The following C1orf198 variants were observed in gnomAD, a reference collection of about 807,000 sequenced individuals.
C1orf198 encodes the protein uncharacterized protein C1orf198.
In C1orf198, 17 loss-of-function variants were observed where a neutral mutation model predicts 31.4. The observed-to-expected ratio is 0.54, with a 90% CI of 0.37 to 0.81. The LOEUF (loss-of-function observed/expected upper bound fraction) is 0.81. Among genes scored for constraint, C1orf198 ranks in the 40% least tolerant of loss-of-function variants. The pLI, the probability that C1orf198 is intolerant of heterozygous loss-of-function variation, is 0.00. For missense variants in C1orf198, 401 were observed against 450.3 expected (o/e 0.89, Z 0.99); for synonymous variants, 175 against 193.8 (o/e 0.90, Z 0.81).
At chr1:230,858,988 T>C (rs1397921187) in intron 1 of C1orf198, among the ~76,000 whole-genome samples, 8 of 152,170 alleles carry the variant, frequency 5.3e-5, no homozygotes, top group Non-Finnish European at 1.5e-5. Flanking sequence ...AATAGTCTTC[T>C]GTTTGCTCCA....
Position 230,839,684 on chromosome 1 carries a change from A to T in C1orf198, c.*168T>A. On this transcript the variant is annotated 3_prime_UTR_variant, in exon 4 of 4. Coordinates refer to ENST00000366663, the MANE Select transcript of C1orf198 (RefSeq NM_032800.3). ...GAAAATAGCATATATATCTGGTTCT[A>T]CCAAAAAAGAAAAAAATCTGGCAAT... The T allele has an allele frequency of 1.7e-6, 1 of 598,110 alleles. No individual in the cohort carries two copies. Among genetic ancestry groups the T allele is most frequent in the East Asian group, 3.3e-5 (1 of 30,570 alleles). The allele number at this position is 598,110 out of a possible 1,614,324, so 37.1% of individuals were successfully genotyped here.
chr1:230,861,276 G>A (rs1669997608), intron 1 of C1orf198, among the ~76,000 whole-genome samples: 1 of 152,218 alleles, frequency 6.6e-6, no homozygotes, highest in Non-Finnish European at 1.5e-5. Context: ...GAAAGGCTGT[G>A]TGCATATGCA....
At chr1:230,861,278 G>A (rs1669997801) in intron 1 of C1orf198, among the ~76,000 whole-genome samples, 1 of 152,220 alleles carries the variant, frequency 6.6e-6, no homozygotes, top group Non-Finnish European at 1.5e-5. Flanking sequence ...AAGGCTGTGT[G>A]CATATGCACG....
At chr1:230,855,388 C>A (rs1042975952) in intron 2 of C1orf198, among the ~76,000 whole-genome samples, 25 of 152,354 alleles carry the variant, frequency 1.6e-4, no homozygotes, top group African/African-American at 5.8e-4. Context: ...CTTAACCAAG[C>A]TGGCCGGGAG....
rs1193916191 is a variant in C1orf198, at chr1:230,843,337, T to C, written c.927+17A>G. ...GGCACCATCCCATCTGAGGACGCGC[T>C]GGTAAAGGCCACTCACCTGTGCAAA... On this transcript the variant is annotated intron_variant, in intron 3 of 3. Coordinates refer to ENST00000366663, the MANE Select transcript of C1orf198 (RefSeq NM_032800.3). This position sits in a 1 kb window ranked among gnomAD's most constrained non-coding sequence, Gnocchi z 4.9. The C allele has an allele frequency of 3.2e-6, 5 of 1,551,558 alleles. No homozygotes were observed. The highest frequency in any genetic ancestry group is 4.4e-6 in the Non-Finnish European group (5 of 1,146,948).
At position 230,840,035 on chromosome 1, in the gene C1orf198, G is replaced by T. The variant is rs1208410690; in HGVS notation, c.928-127C>A. On this transcript the variant is annotated intron_variant, in intron 3 of 3. Transcript: ENST00000366663. This position sits in a 1 kb window ranked among gnomAD's most constrained non-coding sequence, Gnocchi z 4.0. ...CCTACTTCTGTCTCAGAGGTTCCCT[G>T]ACCTCAATTTATCTCAGTGCTTGAA... is the stretch of plus-strand genomic sequence containing the variant. 1.4e-6 allele frequency: 1 copy of T among 736,190 alleles called. No homozygotes were observed. The highest frequency in any genetic ancestry group is 2.2e-6 in the Non-Finnish European group (1 of 452,410). 45.6% of individuals were successfully genotyped at this position (736,190 alleles called of 1,614,324 possible).
At chr1:230,859,320 A>AT (rs1339033861) in intron 1 of C1orf198, among the ~76,000 whole-genome samples, 1 of 152,066 alleles carries the variant, frequency 6.6e-6, no homozygotes, top group Non-Finnish European at 1.5e-5. Context: ...GACCAATCAC[A>AT]TATGCTTTTT....
At chr1:230,846,463 G>A (rs1029459061) in intron 2 of C1orf198, among the ~76,000 whole-genome samples, 4 of 152,244 alleles carry the variant, frequency 2.6e-5, no homozygotes, top group Non-Finnish European at 4.4e-5. Flanking sequence ...GTCAGGGCAA[G>A]GATGGAAATA....
intron 1 of C1orf198, among the ~76,000 whole-genome samples, chr1:230,863,855 A>G (rs1298144726): frequency 6.6e-6 from 1 of 152,268 alleles, no homozygotes; most frequent in Non-Finnish European, 1.5e-5. Context: ...ACATCCATGG[A>G]TACAGCAGGC....
chr1:230,869,259 T>A (rs1376609524), upstream of C1orf198: 1 of 152,236 alleles, frequency 6.6e-6, no homozygotes, highest in African/African-American at 2.4e-5. Context: ...CCAGGTGCCT[T>A]TCCCCAACCC....
intron 3 of C1orf198, among the ~76,000 whole-genome samples, chr1:230,842,883 C>T (rs1170237238): frequency 6.6e-6 from 1 of 152,226 alleles, no homozygotes; most frequent in East Asian, 1.9e-4. Context: ...CCAGCGAGGC[C>T]CACAGAGGGG....
At chr1:230,864,285 C>CT (rs1272869474) in intron 1 of C1orf198, among the ~76,000 whole-genome samples, 1 of 152,206 alleles carries the variant, frequency 6.6e-6, no homozygotes, top group Non-Finnish European at 1.5e-5. Context: ...GCAGAAAGGT[C>CT]TTTTGCAGGT....
At chr1:230,860,693 T>C (rs1157227838) in intron 1 of C1orf198, among the ~76,000 whole-genome samples, 2 of 152,186 alleles carry the variant, frequency 1.3e-5, no homozygotes, top group Non-Finnish European at 2.9e-5. Context: ...ATAGAGGTTA[T>C]CAGAGACTGA....
rs1670033956 is a variant in C1orf198 at position 230,862,983 on chromosome 1, C to T, written c.333+5197G>A. 5.3e-5 allele frequency among the ~76,000 whole-genome samples: 8 copies of T among 152,294 alleles called. No individual in the cohort carries two copies. In the South Asian group the frequency reaches 1.7e-3, roughly 32 times the overall value. On this transcript the variant is annotated intron_variant, in intron 1 of 3. Transcript: ENST00000366663. Reference sequence around the variant, plus strand: ...CAATTTTGCTGTGAATCTAAAATTGCTCTAAAAAATTAAGTCTATTCAAAA... The same window carrying T: ...CAATTTTGCTGTGAATCTAAAATTGTTCTAAAAAATTAAGTCTATTCAAAA...
chr1:230,843,629 T>G lies in C1orf198; in HGVS notation c.652A>C (p.Met218Leu). The change falls in exon 3 of 4, where the codon ATG becomes CTG. Residue 218 changes from methionine (M) to leucine (L), a missense_variant. Physicochemically the swap from Met to Leu is conservative, Grantham distance 15. Transcript: ENST00000366663. The surrounding 1 kb of genome is among the most constrained non-coding windows in gnomAD (Gnocchi z 4.9). ...QSLTPSQIKS[M>L]EKGEKVLPPC... ...GGCAAGACCTTTTCCCCCTTCTCCA[T>G]GGACTTGATCTGGCTAGGGGTCAGC... 6.2e-7 allele frequency: 1 copy of G among 1,614,232 alleles called. No individual in the cohort carries two copies. The highest frequency in any genetic ancestry group is 8.5e-7 in the Non-Finnish European group (1 of 1,180,032).
chr1:230,862,275 C>A (rs1460227564), intron 1 of C1orf198, among the ~76,000 whole-genome samples: 4 of 152,204 alleles, frequency 2.6e-5, no homozygotes, highest in Admixed American at 6.5e-5. Flanking sequence ...GCCTCCCAAC[C>A]ACAGCTCCAT....
chr1:230,863,874 G>T (rs917191150), intron 1 of C1orf198, among the ~76,000 whole-genome samples: 1 of 152,162 alleles, frequency 6.6e-6, no homozygotes, highest in Non-Finnish European at 1.5e-5. Flanking sequence ...GCACAAGGTG[G>T]GAATCATAAT....
Position 230,849,737 on chromosome 1 carries a change from G to T in C1orf198, c.385-5841C>A, listed in dbSNP as rs77499324. ...TGGCAGCCTCGGACAGATCTAAATT[G>T]TTGAGACAAAGGCTACAGAAGCCTT... On this transcript the variant is annotated intron_variant, in intron 2 of 3. Transcript: ENST00000366663. Among the ~76,000 whole-genome samples the T allele has an allele frequency of 2.7e-3, 416 of 152,374 alleles. 9 individuals carry two copies. In the East Asian group the frequency reaches 0.063, roughly 23 times the overall value.
At chr1:230,855,831 C>A in intron 1 of C1orf198, 113 bp from the exon 2 acceptor site, 1 of 1,515,378 alleles carries the variant, frequency 6.6e-7, no homozygotes, top group South Asian at 1.4e-5. Context: ...CAACTCCTGG[C>A]TCTAAACAAG....
Sources: allele counts gnomAD v4.1 joint callset (sites outside exome capture counted in the v4.1 genomes callset), GRCh38; gene constraint gnomAD v4.1.1; non-coding constraint Gnocchi (gnomAD v3.1); transcripts MANE v1.5; gene names NCBI Gene and HGNC (gene_info 2026-07-23, HGNC 2026-07-21).